The following ADK variants were observed in gnomAD, a reference collection of about 807,000 sequenced individuals.
The protein encoded by ADK is adenosine kinase, also known as N6,N6-dimethyladenosine kinase.
ADK carries 24 observed loss-of-function variants against 44.7 expected under a neutral mutation model. That is an observed-to-expected ratio of 0.54 (90% confidence interval 0.39 to 0.76). The LOEUF (loss-of-function observed/expected upper bound fraction) is 0.76. Ranked by LOEUF, ADK falls within the 30% of genes least tolerant of loss-of-function variation. The probability of loss-of-function intolerance (pLI) is 0.00; values close to 1 mark genes in which losing one functional copy is unlikely to be tolerated. For missense variants in ADK, 321 were observed against 425.1 expected (o/e 0.76, Z 2.15); for synonymous variants, 128 against 142.6 (o/e 0.90, Z 0.73).
At chr10:74,680,807 A>T (rs553094414) in intron 10 of ADK, among the ~76,000 whole-genome samples, 29 of 152,358 alleles carry the variant, frequency 1.9e-4, no homozygotes, top group African/African-American at 6.7e-4. Context: ...CTCTCTTCAG[A>T]TATATAAGTT....
intron 6 of ADK, among the ~76,000 whole-genome samples, chr10:74,458,523 A>G (rs748067766): frequency 1.2e-4 from 18 of 152,020 alleles, no homozygotes; most frequent in Admixed American, 2.0e-4. Context: ...ACCTAGTTGT[A>G]AGTTATCTCT....
chr10:74,582,830 G>A (rs2133900181), intron 7 of ADK, among the ~76,000 whole-genome samples: 1 of 152,154 alleles, frequency 6.6e-6, no homozygotes, highest in Non-Finnish European at 1.5e-5. Context: ...GAAGCATATG[G>A]TAACAAATGT....
chr10:74,555,801 T>G (rs939638790), intron 7 of ADK, among the ~76,000 whole-genome samples: 1 of 152,140 alleles, frequency 6.6e-6, no homozygotes, highest in Non-Finnish European at 1.5e-5. Flanking sequence ...TTGAGATAAT[T>G]CAATGCAAAA....
chr10:74,674,261 G>A (rs983724759), intron 10 of ADK, among the ~76,000 whole-genome samples: 1 of 152,084 alleles, frequency 6.6e-6, no homozygotes, highest in African/African-American at 2.4e-5. Flanking sequence ...CTTGTTAGTT[G>A]GAAATACTAA....
chr10:74,195,540 A>G (rs564951645), intron 1 of ADK, among the ~76,000 whole-genome samples: 13 of 152,060 alleles, frequency 8.5e-5, no homozygotes, highest in Non-Finnish European at 1.3e-4. Flanking sequence ...CTGGAGTGCA[A>G]TGGTGCAATT....
intron 7 of ADK, among the ~76,000 whole-genome samples, chr10:74,562,126 A>G (rs1850485310): frequency 6.6e-6 from 1 of 152,194 alleles, no homozygotes; most frequent in Non-Finnish European, 1.5e-5. Context: ...TGAGCATGAC[A>G]ATCTAGTAGA....
At chr10:74,407,597 ATCTCGAGT>A (rs1248687226) in intron 6 of ADK, among the ~76,000 whole-genome samples, 8 of 152,166 alleles carry the variant, frequency 5.3e-5, no homozygotes, top group Admixed American at 1.3e-4. Context: ...TCCCTTGCAT[ATCTCGAGT>A]TCTCACTTTC....
At chr10:74,573,284 C>G (rs1268849073) in intron 7 of ADK, among the ~76,000 whole-genome samples, 1 of 152,166 alleles carries the variant, frequency 6.6e-6, no homozygotes, top group Non-Finnish European at 1.5e-5. Flanking sequence ...ACCCTGTTTG[C>G]CTGGGTATCA....
chr10:74,479,449 G>A (rs1327381182), intron 6 of ADK, among the ~76,000 whole-genome samples: 9 of 104,484 alleles, frequency 8.6e-5, no homozygotes, highest in Non-Finnish European at 1.6e-4. Context: ...TAGCCACTTT[G>A]AATTGGTTTG....
chr10:74,670,241 C>G lies in ADK; in HGVS notation c.936C>G (p.Thr312=). 6.2e-7 allele frequency: 1 copy of G among 1,613,736 alleles called. No individual in the cohort carries two copies. The highest frequency in any genetic ancestry group is 1.3e-5 in the African/African-American group (1 of 75,016). The part of the protein sequence containing the change: ...LDQDQKEIID[T]NGAGDAFVGG... ...AAGACCAGAAAGAAATTATTGATAC[C>G]AATGGAGCTGGAGATGCATTTGTTG... The change falls in exon 10 of 11, where the codon ACC becomes ACG. Residue 312 remains threonine, a synonymous_variant. Transcript: ENST00000539909.
chr10:74,668,338 C>A (rs185906713), intron 9 of ADK, among the ~76,000 whole-genome samples: 58 of 152,156 alleles, frequency 3.8e-4, no homozygotes, highest in African/African-American at 1.4e-3. Flanking sequence ...TATATATACT[C>A]TCTAGAAAAT....
Position 74,314,663 on chromosome 10 carries a change from A to G in ADK, c.195-4A>G. ...TACTTTTTTCTACTGTGATTTCCTT[A>G]TAGGTTTGATGAACTTGTGAAAAAA... On this transcript the variant is annotated splice_region_variant and splice_polypyrimidine_tract_variant and intron_variant, in intron 3 of 10. Coordinates refer to ENST00000539909, the MANE Select transcript of ADK (RefSeq NM_006721.4). 1.2e-6 allele frequency: 2 copies of G among 1,609,312 alleles called. No homozygotes were observed. Among genetic ancestry groups the G allele is most frequent in the Non-Finnish European group, 1.7e-6 (2 of 1,176,354 alleles).
At chr10:74,639,792 C>G (rs1853774447) in intron 9 of ADK, among the ~76,000 whole-genome samples, 1 of 152,078 alleles carries the variant, frequency 6.6e-6, no homozygotes, top group Non-Finnish European at 1.5e-5. Context: ...GCCGAGATCT[C>G]GCTACTGCAC....
intron 6 of ADK, among the ~76,000 whole-genome samples, chr10:74,505,645 T>G (rs932143836): frequency 2.0e-5 from 3 of 152,162 alleles, no homozygotes; most frequent in African/African-American, 7.2e-5. Context: ...TTTATTTTTT[T>G]GGGCTTGATG....
intron 4 of ADK, among the ~76,000 whole-genome samples, chr10:74,339,808 C>A (rs745896949): frequency 9.9e-5 from 15 of 152,076 alleles, no homozygotes; most frequent in Non-Finnish European, 1.9e-4. Flanking sequence ...AGAATCACTC[C>A]CTAGGTACAA....
Position 74,451,067 on chromosome 10 carries a change from C to CTTTTT in ADK, c.555+52509_555+52513dup, listed in dbSNP as rs35120068. On this transcript the variant is annotated intron_variant, in intron 6 of 10. Transcript: ENST00000539909. ...TTTATAAAAATTGTGGCTCTGCTGC[C>CTTTTT]TTTTTTTTTTTTTTTTTTTTTTTTT... 1.1e-3 allele frequency among the ~76,000 whole-genome samples: 81 copies of CTTTTT among 72,160 alleles called. 1 individual carries two copies. The highest frequency in any genetic ancestry group is 2.3e-3 in the African/African-American group (38 of 16,692). The allele number at this position is 72,160 out of a possible 152,430, so 47.3% of individuals were successfully genotyped here. A position where few individuals can be genotyped will look rare whatever the true frequency, so the allele number is the denominator to read the frequency against.
chr10:74,530,797 C>T (rs12573198), intron 7 of ADK, among the ~76,000 whole-genome samples: 2 of 152,104 alleles, frequency 1.3e-5, no homozygotes, highest in South Asian at 2.1e-4. Flanking sequence ...GGTGGTTGTG[C>T]GCCTGTAATC....
At chr10:74,306,295 T>C (rs1317344259) in intron 3 of ADK, among the ~76,000 whole-genome samples, 7 of 152,088 alleles carry the variant, frequency 4.6e-5, no homozygotes, top group African/African-American at 1.7e-4. Context: ...ATATTTTTAT[T>C]TTATCTTCTT....
chr10:74,466,447 C>T (rs1167634250), intron 6 of ADK, among the ~76,000 whole-genome samples: 1 of 152,174 alleles, frequency 6.6e-6, no homozygotes, highest in Non-Finnish European at 1.5e-5. Context: ...AAGAACATTA[C>T]ACCTATAGTC....
Sources: allele counts gnomAD v4.1 joint callset (sites outside exome capture counted in the v4.1 genomes callset), GRCh38; gene constraint gnomAD v4.1.1; transcripts MANE v1.5; gene names NCBI Gene and HGNC (gene_info 2026-07-23, HGNC 2026-07-21).